Variants in JPH3 observed in about 807,000 individuals in gnomAD.
JPH3 encodes junctophilin-3.
A neutral mutation model predicts 59.6 loss-of-function variants in JPH3; 11 were observed. The ratio of observed to expected loss-of-function variants is 0.18; its 90% CI spans 0.12 to 0.31. JPH3 has a LOEUF of 0.31. Ranked by LOEUF, JPH3 falls within the 10% of genes least tolerant of loss-of-function variation. The pLI is 1.00. For missense variants in JPH3, 1,202 were observed against 1,105.7 expected (o/e 1.09, Z -1.24); for synonymous variants, 673 against 483.6 (o/e 1.39, Z -5.14).
At chr16:87,689,077 C>A (rs373608832) in intron 3 of JPH3, among the ~76,000 whole-genome samples, 1 of 152,172 alleles carries the variant, frequency 6.6e-6, no homozygotes, top group Non-Finnish European at 1.5e-5. Flanking sequence ...CGGGGAGCCC[C>A]GCCCTAGGAC....
intron 1 of JPH3, among the ~76,000 whole-genome samples, chr16:87,621,461 G>A (rs1385860982): frequency 1.3e-5 from 2 of 152,222 alleles, no homozygotes; most frequent in African/African-American, 2.4e-5. Flanking sequence ...ACTGGGCCTG[G>A]GGGCTTCTGA....
rs149357183 is a variant in JPH3 at position 87,652,291 on chromosome 16, C to T, written c.1160+7256C>T. On this transcript the variant is annotated intron_variant, in intron 2 of 4. Transcript: ENST00000284262. Reference sequence around the variant, plus strand: ...CGCCCAGCCTGTTAGAAGTTGCCGCCTCAGCCTTCGGCACTCACCACGCTG... The same window carrying T: ...CGCCCAGCCTGTTAGAAGTTGCCGCTTCAGCCTTCGGCACTCACCACGCTG... Among the ~76,000 whole-genome samples the T allele has an allele frequency of 4.9e-4, 75 of 152,304 alleles. 1 individual carries two copies. The highest frequency in any genetic ancestry group is 1.7e-3 in the African/African-American group (72 of 41,552).
chr16:87,624,085 A>C (rs1198765271), intron 1 of JPH3, among the ~76,000 whole-genome samples: 1 of 152,190 alleles, frequency 6.6e-6, no homozygotes, highest in Admixed American at 6.5e-5. Flanking sequence ...TCACTCCCCA[A>C]ATGGAGGGTC....
At chr16:87,688,862 A>G (rs2033483099) in intron 3 of JPH3, among the ~76,000 whole-genome samples, 1 of 152,206 alleles carries the variant, frequency 6.6e-6, no homozygotes, top group Non-Finnish European at 1.5e-5. Flanking sequence ...TTGGCAGGAA[A>G]TGAGATCCCA....
intron 1 of JPH3, chr16:87,604,062 C>T (rs1046883693): frequency 3.6e-5 from 35 of 985,014 alleles, no homozygotes; most frequent in Non-Finnish European, 4.0e-5. Flanking sequence ...CAACCCGAAC[C>T]AAAACAGCCA....
chr16:87,689,831 G>A lies in JPH3; in HGVS notation c.1471G>A (p.Ala491Thr), dbSNP rs763483232. 61 of 1,547,528 alleles carry A rather than the reference G, an allele frequency of 3.9e-5. No homozygotes were observed. Among genetic ancestry groups the A allele is most frequent in the Non-Finnish European group, 5.1e-5 (59 of 1,148,306 alleles). ...PTSPAATPPP[A>T]PAARNKVAHF... is the part of the protein sequence containing the mutation. ...CAGCCCCGCGGCCACCCCGCCGCCCGCGCCCGCCGCCAGGAACAAGGTCGC... is the reference window on the plus strand; with the variant it reads ...CAGCCCCGCGGCCACCCCGCCGCCCACGCCCGCCGCCAGGAACAAGGTCGC... The change falls in exon 4 of 5, where the codon GCG becomes ACG. Residue 491 changes from alanine (A) to threonine (T), a missense_variant. Ala to Thr is a moderately conservative substitution (Grantham distance 58). Coordinates refer to ENST00000284262, the MANE Select transcript of JPH3 (RefSeq NM_020655.4).
intron 1 of JPH3, among the ~76,000 whole-genome samples, chr16:87,606,591 A>G (rs531285177): frequency 6.6e-6 from 1 of 152,306 alleles, no homozygotes; most frequent in South Asian, 2.1e-4. Flanking sequence ...TGGTTGGATT[A>G]CTTAACCTCT....
chr16:87,655,580 C>T (rs12598063), intron 2 of JPH3, among the ~76,000 whole-genome samples: 28,607 of 152,176 alleles, frequency 0.19, 3,015 homozygotes, highest in East Asian at 0.31. Context: ...TCTCCAACTC[C>T]TGGCCTCAAA....
At chr16:87,623,300 T>C (rs1324109481) in intron 1 of JPH3, among the ~76,000 whole-genome samples, 2 of 152,182 alleles carry the variant, frequency 1.3e-5, no homozygotes, top group African/African-American at 4.8e-5. Context: ...CAGGCGAGGG[T>C]GGACACTGAT....
At chr16:87,662,444 G>A (rs954847781) in intron 2 of JPH3, among the ~76,000 whole-genome samples, 2 of 150,762 alleles carry the variant, frequency 1.3e-5, no homozygotes, top group Admixed American at 6.6e-5. Context: ...TTTTAGCACC[G>A]TCAGCATAAG....
At chr16:87,613,543 A>G (rs2030817306) in intron 1 of JPH3, among the ~76,000 whole-genome samples, 1 of 151,256 alleles carries the variant, frequency 6.6e-6, no homozygotes, top group Non-Finnish European at 1.5e-5. Flanking sequence ...CTGGTCTTGA[A>G]CTCTTGACCT....
intron 2 of JPH3, among the ~76,000 whole-genome samples, chr16:87,651,455 G>A (rs1360788045): frequency 6.6e-6 from 1 of 152,180 alleles, no homozygotes; most frequent in Non-Finnish European, 1.5e-5. Flanking sequence ...AAAACCTTCT[G>A]GAAAGGATTC....
chr16:87,652,740 C>A (rs1027998092), intron 2 of JPH3, among the ~76,000 whole-genome samples: 1 of 152,228 alleles, frequency 6.6e-6, no homozygotes, highest in Non-Finnish European at 1.5e-5. Context: ...GCCCTTGGAT[C>A]TCTGGCAGTC....
intron 1 of JPH3, among the ~76,000 whole-genome samples, chr16:87,603,931 C>T (rs2030374701): frequency 6.6e-6 from 1 of 152,258 alleles, no homozygotes; most frequent in Non-Finnish European, 1.5e-5. Context: ...GGAGGCCGCC[C>T]TTCGATCAGG....
chr16:87,620,639 T>A (rs2031152295), intron 1 of JPH3, among the ~76,000 whole-genome samples: 1 of 152,172 alleles, frequency 6.6e-6, no homozygotes, highest in Non-Finnish European at 1.5e-5. Flanking sequence ...TGCTGTTTCC[T>A]GCGTTTACAC....
chr16:87,657,479 C>T (rs765813193), intron 2 of JPH3, among the ~76,000 whole-genome samples: 66 of 152,158 alleles, frequency 4.3e-4, no homozygotes, highest in South Asian at 1.2e-3. Flanking sequence ...GACCGGTGAC[C>T]GATGCACAGC....
chr16:87,605,444 C>T (rs200078462), intron 1 of JPH3, among the ~76,000 whole-genome samples: 3 of 152,322 alleles, frequency 2.0e-5, no homozygotes, highest in East Asian at 3.9e-4. Flanking sequence ...AAAAACCACA[C>T]TGAGCAAAGC....
chr16:87,604,741 T>C lies in JPH3; in HGVS notation c.382+1213T>C, dbSNP rs558136189. On this transcript the variant is annotated intron_variant, in intron 1 of 4. Coordinates refer to ENST00000284262, the MANE Select transcript of JPH3 (RefSeq NM_020655.4). ...GTGGCAGGGGGCTGGAGAGTAATTA[T>C]TATTTTGGCTTATGCAACTGAAAAG... 1.4e-5 allele frequency: 13 copies of C among 931,850 alleles called. No individual in the cohort carries two copies. The South Asian group carries it at 2.6e-4, about 19-fold the overall frequency. The allele number at this position is 931,850 out of a possible 1,614,324, so 57.7% of individuals were successfully genotyped here. A position where few individuals can be genotyped will look rare whatever the true frequency, so the allele number is the denominator to read the frequency against.
At position 87,644,517 on chromosome 16, in the gene JPH3, G is replaced by C; in HGVS notation, c.642G>C (p.Leu214=). 6.2e-7 allele frequency: 1 copy of C among 1,612,936 alleles called. No homozygotes were observed. The highest frequency in any genetic ancestry group is 8.5e-7 in the Non-Finnish European group (1 of 1,179,852). The part of the protein sequence containing the change: ...SEILKSKKKG[L]FRRSLLSGLK... ...TCCTCAAGAGCAAGAAGAAGGGGCT[G>C]TTTCGGCGCTCGCTGCTGAGTGGGC... The change falls in exon 2 of 5, where the codon CTG becomes CTC. Residue 214 remains leucine, a synonymous_variant. Coordinates refer to ENST00000284262, the MANE Select transcript of JPH3 (RefSeq NM_020655.4).
Sources: allele counts gnomAD v4.1 joint callset (sites outside exome capture counted in the v4.1 genomes callset), GRCh38; gene constraint gnomAD v4.1.1; transcripts MANE v1.5; gene names NCBI Gene and HGNC (gene_info 2026-07-23, HGNC 2026-07-21).